MYBPC1: variants seen among roughly 807,000 people sequenced by gnomAD.
MYBPC1 encodes myosin binding protein C1.
MYBPC1 carries 52 observed loss-of-function variants against 147.1 expected under a neutral mutation model. The ratio of observed to expected loss-of-function variants is 0.35; its 90% CI spans 0.28 to 0.45. MYBPC1 has a LOEUF of 0.45. Among genes scored for constraint, MYBPC1 ranks in the 20% least tolerant of loss-of-function variants. The pLI, the probability that MYBPC1 is intolerant of heterozygous loss-of-function variation, is 1.00. For synonymous variants in MYBPC1, 477 were observed against 475.9 expected (o/e 1.00, Z -0.03); for missense variants, 1,228 against 1,440.3 (o/e 0.85, Z 2.39).
In MYBPC1 at chr12:101,659,714, C is replaced by G. The variant is rs1896199325; in HGVS notation, c.1810C>G (p.Pro604Ala). 3.7e-6 allele frequency: 6 copies of G among 1,614,046 alleles called. No individual in the cohort carries two copies. In the East Asian group the frequency reaches 1.3e-4, roughly 36 times the overall value. The change falls in exon 19 of 32, where the codon CCT becomes GCT. Residue 604 changes from proline to alanine, a missense_variant. Physicochemically the swap from Pro to Ala is conservative, Grantham distance 27. Coordinates refer to ENST00000361466, the MANE Select transcript of MYBPC1 (RefSeq NM_002465.4). ...TGGCCGGATAAGAACAGAATCTTAC[C>G]CTGATAGCAGCACTCTGGTCATTGA... is the stretch of plus-strand genomic sequence containing the variant. Reference protein sequence around the residue: ...GSGRIRTESYPDSSTLVIDIA... With the variant: ...GSGRIRTESYADSSTLVIDIA...
chr12:101,607,477 G>A (rs1368346704), intron 1 of MYBPC1, among the ~76,000 whole-genome samples: 1 of 151,974 alleles, frequency 6.6e-6, no homozygotes, highest in Non-Finnish European at 1.5e-5. Flanking sequence ...ACGATAATCA[G>A]GAATAGCATA....
chr12:101,599,913 T>C (rs1369997061), intron 1 of MYBPC1, among the ~76,000 whole-genome samples: 1 of 152,204 alleles, frequency 6.6e-6, no homozygotes, highest in Non-Finnish European at 1.5e-5. Flanking sequence ...GGCAAATGCG[T>C]GCTAGAGGGG....
At chr12:101,616,028 T>C (rs1008092101) in intron 2 of MYBPC1, among the ~76,000 whole-genome samples, 4 of 152,032 alleles carry the variant, frequency 2.6e-5, no homozygotes, top group Non-Finnish European at 5.9e-5. Context: ...AGGAGGGCAG[T>C]TTGAGAAATC....
the MYBPC1 span, among the ~76,000 whole-genome samples, chr12:101,692,733 C>T: frequency 1.3e-5 from 2 of 151,874 alleles, no homozygotes; most frequent in Non-Finnish European, 2.9e-5. Context: ...TGGAGGGGAG[C>T]CATGATTCAA....
intron 3 of MYBPC1, among the ~76,000 whole-genome samples, chr12:101,624,869 AACTTTGTT>A (rs1288310400): frequency 6.6e-6 from 1 of 151,998 alleles, no homozygotes; most frequent in East Asian, 1.9e-4. Context: ...GTAAAATATG[AACTTTGTT>A]CACAGACCTC....
chr12:101,648,469 C>T lies in MYBPC1; in HGVS notation c.1196+319C>T, dbSNP rs1893694902. Among the ~76,000 whole-genome samples, 2 of 152,174 alleles carry T rather than the reference C, an allele frequency of 1.3e-5. 1 individual carries two copies. Among genetic ancestry groups the T allele is most frequent in the South Asian group, 4.2e-4 (2 of 4,818 alleles). On this transcript the variant is annotated intron_variant, in intron 14 of 31. Coordinates refer to ENST00000361466, the MANE Select transcript of MYBPC1 (RefSeq NM_002465.4). The stretch of plus-strand genomic sequence containing the variant: ...GCTCTTAACCTTTATAGCAGGCTTC[C>T]TCTCACTATGCCATATTGGCAACTT...
In MYBPC1 at chr12:101,680,385, G is replaced by C. The variant is rs777473898; in HGVS notation, c.3289G>C (p.Asp1097His). Reference protein sequence around the residue: ...WMKNKVAIVDDPRYRMFSNQG... With the variant: ...WMKNKVAIVDHPRYRMFSNQG... The stretch of plus-strand genomic sequence containing the variant: ...GAAAAACAAAGTTGCTATTGTGGAT[G>C]ATCCAAGATACAGGATGTTCAGCAA... The change falls in exon 29 of 32, where the codon GAT (aspartate) becomes CAT (histidine). Residue 1097 changes from aspartate (D) to histidine (H), a missense_variant. Around this residue, in one of 2 missense-constraint regions of MYBPC1, gnomAD observed 1,077 missense variants for 1,314.2 expected, o/e 0.82. Transcript: ENST00000361466. The C allele has an allele frequency of 1.2e-5, 19 of 1,614,070 alleles. No homozygotes were observed. The South Asian group carries it at 1.9e-4, about 16-fold the overall frequency.
At chr12:101,634,772 A>G (rs1890661370) in intron 9 of MYBPC1, among the ~76,000 whole-genome samples, 167 bp downstream of exon 9, 1 of 152,224 alleles carries the variant, frequency 6.6e-6, no homozygotes. Context: ...CCATGGGTTT[A>G]AGGCCCAGTC....
intron 1 of MYBPC1, among the ~76,000 whole-genome samples, chr12:101,604,147 A>C (rs1565879462): frequency 2.0e-5 from 3 of 152,196 alleles, no homozygotes; most frequent in Non-Finnish European, 4.4e-5. Context: ...AAGTCCTCAG[A>C]TCTTAGCAAT....
At chr12:101,636,819 AG>A in intron 10 of MYBPC1, 91 bp downstream of exon 10, 1 of 1,083,674 alleles carries the variant, frequency 9.2e-7, no homozygotes, top group Non-Finnish European at 1.4e-6. Context: ...GATGTTCTTC[AG>A]AGAATTTTTC....
At chr12:101,683,160 T>C (rs1309020205) in intron 30 of MYBPC1, among the ~76,000 whole-genome samples, 2 of 152,150 alleles carry the variant, frequency 1.3e-5, no homozygotes, top group African/African-American at 2.4e-5. Flanking sequence ...CTGGGCGTGA[T>C]GGTTCTCGCC....
chr12:101,695,326 G>C, the MYBPC1 span, among the ~76,000 whole-genome samples: 1 of 152,160 alleles, frequency 6.6e-6, no homozygotes, highest in Non-Finnish European at 1.5e-5. Flanking sequence ...TATATAGCAG[G>C]GATACACTGG....
chr12:101,599,977 C>T lies in MYBPC1; in HGVS notation c.25+4882C>T, dbSNP rs911360475. ...CAGTAGCCTGCTTTTATGACTGCTC[C>T]GACTGCACCTGTTAGGAAGATAAAT... On this transcript the variant is annotated intron_variant, in intron 1 of 31. Coordinates refer to ENST00000361466, the MANE Select transcript of MYBPC1 (RefSeq NM_002465.4). Among the ~76,000 whole-genome samples the T allele has an allele frequency of 4.6e-5, 7 of 152,136 alleles. No individual in the cohort carries two copies. In the East Asian group the frequency reaches 7.7e-4, roughly 17 times the overall value.
chr12:101,631,857 C>A lies in MYBPC1; in HGVS notation c.438+138C>A. On this transcript the variant is annotated intron_variant, in intron 7 of 31. Transcript: ENST00000361466. The stretch of plus-strand genomic sequence containing the variant: ...AAGTTACCATTGCAGTGTCTACACT[C>A]TATTGCGATTGCCCGGCTGTGTCCG... The A allele has an allele frequency of 2.9e-6, 4 of 1,393,174 alleles. No individual in the cohort carries two copies. The Admixed American group carries it at 5.4e-5, about 19-fold the overall frequency. The allele number at this position is 1,393,174 out of a possible 1,614,324, so 86.3% of individuals were successfully genotyped here. A position where few individuals can be genotyped will look rare whatever the true frequency, so the allele number is the denominator to read the frequency against.
chr12:101,605,992 C>T (rs1881989644), intron 1 of MYBPC1, among the ~76,000 whole-genome samples: 1 of 151,572 alleles, frequency 6.6e-6, no homozygotes, highest in Non-Finnish European at 1.5e-5. Flanking sequence ...CCCAGGAGTT[C>T]GAGACCAGCC....
chr12:101,600,801 T>C (rs899859711), intron 1 of MYBPC1, among the ~76,000 whole-genome samples: 1 of 152,202 alleles, frequency 6.6e-6, no homozygotes, highest in African/African-American at 2.4e-5. Context: ...TCTGTGGTAA[T>C]TCTAAACTTC....
intron 22 of MYBPC1, 149 bp downstream of exon 22, chr12:101,663,709 A>G: frequency 2.1e-6 from 2 of 955,342 alleles, no homozygotes; most frequent in Non-Finnish European, 3.2e-6. Context: ...ATGTATATAA[A>G]CTAAGCCCTT....
chr12:101,643,759 G>A (rs545399109), intron 11 of MYBPC1, among the ~76,000 whole-genome samples: 1 of 151,984 alleles, frequency 6.6e-6, no homozygotes, highest in Admixed American at 6.5e-5. Flanking sequence ...TAATTGCTGT[G>A]TTCTATGTTA....
chr12:101,661,215 T>C lies in MYBPC1; in HGVS notation c.1985T>C (p.Ile662Thr). 1 of 1,613,964 alleles carries C rather than the reference T, an allele frequency of 6.2e-7. No homozygotes were observed. Among genetic ancestry groups the C allele is most frequent in the Non-Finnish European group, 8.5e-7 (1 of 1,179,984 alleles). ...ACAGAGGTGGGAGATGACTGGTGTATCATGAACTGGGAGCCTCCTGCCTAC... is the reference window on the plus strand; with the variant it reads ...ACAGAGGTGGGAGATGACTGGTGTACCATGAACTGGGAGCCTCCTGCCTAC... ...TVTEVGDDWC[I>T]MNWEPPAYDG... Residue 662 changes from isoleucine (I) to threonine (T), a missense_variant, in exon 20 of 32, where the codon ATC (isoleucine) becomes ACC (threonine). By Grantham distance (89) the Ile-to-Thr change is moderately conservative. Transcript: ENST00000361466.
Sources: gnomAD v4.1 joint callset for allele counts (sites outside exome capture counted in the v4.1 genomes callset) on GRCh38, gnomAD v4.1.1 for gene constraint, gnomAD v4.1.1 regional missense constraint, MANE v1.5 for transcripts, NCBI Gene and HGNC (gene_info 2026-07-23, HGNC 2026-07-21) for gene names.